Variants in MYH14 observed in about 807,000 individuals in gnomAD.
MYH14 encodes myosin heavy chain 14, also known as myosin-14.
In MYH14, 123 loss-of-function variants were observed where a neutral mutation model predicts 255.5. The observed-to-expected ratio is 0.48, with a 90% confidence interval of 0.42 to 0.56. The LOEUF is 0.56. MYH14 is among the 20% of genes least tolerant of loss of function. MYH14 has a pLI of 0.00. For synonymous variants in MYH14, 1,095 were observed against 1,161.2 expected, an observed-to-expected ratio of 0.94 and a Z score of 1.16; for missense variants, 2,423 against 2,802.3, an observed-to-expected ratio of 0.86 and a Z score of 3.06.
chr19:50,249,782 G>C lies in MYH14; in HGVS notation c.1615G>C (p.Gly539Arg), dbSNP rs1259851963. The change falls in exon 14 of 43, where the codon GGC becomes CGC. Residue 539 changes from glycine to arginine, a missense_variant. Coordinates refer to ENST00000642316, the MANE Select transcript of MYH14 (RefSeq NM_001145809.2). ...CATCCCCTGGACCTTCCTCGACTTT[G>C]GCCTCGACCTGCAGCCCTGCATCGA... is the stretch of plus-strand genomic sequence containing the variant. ...EGIPWTFLDF[G>R]LDLQPCIDLI... 1.2e-5 allele frequency: 19 copies of C among 1,614,080 alleles called. No individual in the cohort carries two copies. The highest frequency in any genetic ancestry group is 1.6e-5 in the Non-Finnish European group (19 of 1,180,052).
intron 27 of MYH14, among the ~76,000 whole-genome samples, chr19:50,273,846 A>G (rs1411000070): frequency 6.6e-6 from 1 of 152,170 alleles, no homozygotes; most frequent in African/African-American, 2.4e-5. Context: ...CATGTTGCCC[A>G]GGCTGGTCTG....
intron 33 of MYH14, among the ~76,000 whole-genome samples, chr19:50,283,557 A>G (rs1366825278): frequency 6.6e-6 from 1 of 152,166 alleles, no homozygotes; most frequent in Non-Finnish European, 1.5e-5. Context: ...TAACCTTTTG[A>G]TGAACATTTG....
At chr19:50,224,302 C>T (rs2032994540) in intron 6 of MYH14, 125 bp downstream of exon 6, 4 of 1,253,300 alleles carry the variant, frequency 3.2e-6, no homozygotes. Context: ...GACCCCTCTG[C>T]CCCACCACTG....
At position 50,260,679 on chromosome 19, in the gene MYH14, G is replaced by A; in HGVS notation, c.2388G>A (p.Lys796=). 2 of 1,613,432 alleles carry A rather than the reference G, an allele frequency of 1.2e-6. No homozygotes were observed. Among genetic ancestry groups the A allele is most frequent in the Non-Finnish European group, 1.7e-6 (2 of 1,179,724 alleles). Residue 796 remains lysine, a synonymous_variant, in exon 20 of 43, where the codon AAG becomes AAA. Coordinates refer to ENST00000642316, the MANE Select transcript of MYH14 (RefSeq NM_001145809.2). ...TCCTGACACCCAATGCCATCCCCAA[G>A]GGCTTCATGGATGGGAAGCAGGCCT... The part of the protein sequence containing the change: ...YEILTPNAIP[K]GFMDGKQACE...
intron 39 of MYH14, among the ~76,000 whole-genome samples, chr19:50,297,434 C>T (rs1272663418): frequency 6.6e-6 from 1 of 150,858 alleles, no homozygotes; most frequent in East Asian, 1.9e-4. Context: ...TCATTGCAAT[C>T]TCTGCCTTTA....
chr19:50,272,783 C>A, intron 27 of MYH14, 52 bp downstream of exon 27: 2 of 1,527,318 alleles, frequency 1.3e-6, no homozygotes, highest in South Asian at 1.2e-5. Context: ...GCACGGCCAG[C>A]CAGCGTGGGG....
In MYH14 at chr19:50,266,966, G is replaced by T; in HGVS notation, c.2784G>T (p.Gln928His). 1 of 1,567,012 alleles carries T rather than the reference G, an allele frequency of 6.4e-7. No individual in the cohort carries two copies. The highest frequency in any genetic ancestry group is 1.8e-4 in the Middle Eastern group (1 of 5,658). ...ELQKVQELQQ[Q>H]SAREVGELQG... ...AGAAAGTGCAGGAGCTACAGCAGCA[G>T]AGCGCCCGCGAAGTTGGGGAGCTCC... The change falls in exon 23 of 43, where the codon CAG becomes CAT. Residue 928 changes from glutamine (Q) to histidine (H), a missense_variant. Physicochemically the swap from Gln to His is conservative, Grantham distance 24. Transcript: ENST00000642316. The surrounding 1 kb of genome is among the most constrained non-coding windows in gnomAD (Gnocchi z 4.1).
intron 8 of MYH14, among the ~76,000 whole-genome samples, chr19:50,228,129 C>T (rs867851278): frequency 6.6e-6 from 1 of 151,588 alleles, no homozygotes. Flanking sequence ...AATAAAAATA[C>T]AAAAAAATTA....
At chr19:50,231,083 G>A in intron 9 of MYH14, 1 of 183,748 alleles carries the variant, frequency 5.4e-6, no homozygotes, top group Non-Finnish European at 1.2e-5. Context: ...GAGTCCTCCT[G>A]TCCCTGCTCC....
chr19:50,297,231 G>A (rs889971146), intron 39 of MYH14, among the ~76,000 whole-genome samples: 17 of 151,866 alleles, frequency 1.1e-4, no homozygotes, highest in South Asian at 2.1e-4. Context: ...TGATCCGCCC[G>A]CCTCGGCCTC....
intron 35 of MYH14, 129 bp downstream of exon 35, chr19:50,289,777 C>G (rs879730983): frequency 7.8e-5 from 62 of 791,578 alleles, no homozygotes; most frequent in Non-Finnish European, 1.2e-4. Flanking sequence ...ACCCGCCGAC[C>G]ACTCAGTATC....
intron 16 of MYH14, among the ~76,000 whole-genome samples, chr19:50,254,373 A>G (rs1348774793): frequency 6.6e-6 from 1 of 152,248 alleles, no homozygotes; most frequent in Non-Finnish European, 1.5e-5. Context: ...TAGTATTTAC[A>G]CAAGGAGATT....
At chr19:50,289,120 CAA>C in intron 34 of MYH14, among the ~76,000 whole-genome samples, 1 of 152,228 alleles carries the variant, frequency 6.6e-6, no homozygotes, top group East Asian at 1.9e-4. Flanking sequence ...TGCAAAATTA[CAA>C]AACTCAGAGG....
intron 17 of MYH14, among the ~76,000 whole-genome samples, chr19:50,256,209 G>T (rs917331996): frequency 1.3e-5 from 2 of 152,076 alleles, no homozygotes; most frequent in Admixed American, 1.3e-4. Flanking sequence ...AGCCTAGGAG[G>T]TTGAGGCTGC....
At chr19:50,229,572 G>A (rs903665747) in intron 8 of MYH14, among the ~76,000 whole-genome samples, 1 of 152,116 alleles carries the variant, frequency 6.6e-6, no homozygotes, top group African/African-American at 2.4e-5. Flanking sequence ...CTGGGGAGGC[G>A]GAGGTTACAG....
At chr19:50,224,036 C>CA in intron 5 of MYH14, 118 bp from the exon 6 acceptor site, 4 of 667,680 alleles carry the variant, frequency 6.0e-6, no homozygotes, top group South Asian at 1.6e-5. Context: ...CCGGTTTCCC[C>CA]AGTCCCCCTT....
At chr19:50,287,983 T>C (rs2035947148) in intron 34 of MYH14, among the ~76,000 whole-genome samples, 1 of 152,154 alleles carries the variant, frequency 6.6e-6, no homozygotes, top group African/African-American at 2.4e-5. Context: ...ACCAAGCCTC[T>C]GTCTTCCCTT....
chr19:50,246,214 A>G (rs1266697224), intron 11 of MYH14, among the ~76,000 whole-genome samples: 1 of 150,564 alleles, frequency 6.6e-6, no homozygotes, highest in Non-Finnish European at 1.5e-5. Context: ...ATCTCAGCTC[A>G]CTGCAACCTC....
At position 50,301,758 on chromosome 19, in the gene MYH14, G is replaced by A. The variant is rs763247736; in HGVS notation, c.5567G>A (p.Arg1856Gln). The change falls in exon 40 of 43, where the codon CGG becomes CAG. Residue 1856 changes from arginine (R) to glutamine (Q), a missense_variant. Arg to Gln is a conservative substitution (Grantham distance 43). This residue lies in a region of MYH14 where 1,513 missense variants were observed against 1,674.8 expected (regional missense o/e 0.90). Coordinates refer to ENST00000642316, the MANE Select transcript of MYH14 (RefSeq NM_001145809.2). ...QQLERQIQELRGRLGEEDAGA... is the reference protein window; with the variant it reads ...QQLERQIQELQGRLGEEDAGA... Reference sequence around the variant, plus strand: ...CTGGAACGGCAGATCCAGGAGCTACGGGGACGCCTGGGTGAGGAGGATGCT... The same window carrying A: ...CTGGAACGGCAGATCCAGGAGCTACAGGGACGCCTGGGTGAGGAGGATGCT... The A allele has an allele frequency of 2.0e-5, 33 of 1,613,788 alleles. No homozygotes were observed. The highest frequency in any genetic ancestry group is 1.2e-4 in the Admixed American group (7 of 59,988).
Sources: allele counts gnomAD v4.1 joint callset (sites outside exome capture counted in the v4.1 genomes callset), GRCh38; gene constraint gnomAD v4.1.1; regional missense constraint gnomAD v4.1.1; non-coding constraint Gnocchi (gnomAD v3.1); transcripts MANE v1.5; gene names NCBI Gene and HGNC (gene_info 2026-07-23, HGNC 2026-07-21).